KIAA0825: variants seen among roughly 807,000 people sequenced by gnomAD.
KIAA0825 encodes the protein KIAA0825.
In KIAA0825, 119 loss-of-function variants were observed where a neutral mutation model predicts 147.6. The observed-to-expected ratio is 0.81, with a 90% CI of 0.69 to 0.94. The LOEUF (loss-of-function observed/expected upper bound fraction) is 0.94. Ranked by LOEUF, KIAA0825 falls within the 40% of genes least tolerant of loss-of-function variation. The pLI is 0.00. For synonymous variants in KIAA0825, 470 were observed against 518.1 expected (o/e 0.91, Z 1.26); for missense variants, 1,381 against 1,472.7 (o/e 0.94, Z 1.02).
At chr5:94,485,382 A>G (rs1414769047) in intron 5 of KIAA0825, among the ~76,000 whole-genome samples, 1 of 151,836 alleles carries the variant, frequency 6.6e-6, no homozygotes, top group Non-Finnish European at 1.5e-5. Context: ...ATAGACATTA[A>G]GTAAAACTGA....
At chr5:94,247,654 A>T (rs1042480190) in intron 20 of KIAA0825, among the ~76,000 whole-genome samples, 2 of 152,170 alleles carry the variant, frequency 1.3e-5, no homozygotes, top group African/African-American at 4.8e-5. Context: ...ATCACTAGAC[A>T]ATAAGTTCCT....
chr5:94,466,080 A>C (rs748070787), intron 10 of KIAA0825, among the ~76,000 whole-genome samples: 48 of 152,282 alleles, frequency 3.2e-4, no homozygotes, highest in Middle Eastern at 3.4e-3. Flanking sequence ...CTTTTACTTA[A>C]AATTTCTGCT....
At chr5:94,489,782 AG>A (rs1012150807) in intron 5 of KIAA0825, among the ~76,000 whole-genome samples, 1 of 150,318 alleles carries the variant, frequency 6.7e-6, no homozygotes, top group African/African-American at 2.4e-5. Context: ...GCTACTTAGG[AG>A]GCTGAGGCAT....
chr5:94,192,668 C>A (rs1770778900), intron 20 of KIAA0825, among the ~76,000 whole-genome samples: 1 of 152,000 alleles, frequency 6.6e-6, no homozygotes, highest in African/African-American at 2.4e-5. Flanking sequence ...TGTCTGGTCA[C>A]AGGTCAAGTC....
chr5:94,258,310 TTC>T (rs1776341281), intron 20 of KIAA0825, among the ~76,000 whole-genome samples: 1 of 152,028 alleles, frequency 6.6e-6, no homozygotes. Context: ...TCAAGACGCC[TTC>T]TGTTTCTAAT....
At chr5:94,558,401 T>C (rs563611712) in intron 2 of KIAA0825, among the ~76,000 whole-genome samples, 1 of 152,330 alleles carries the variant, frequency 6.6e-6, no homozygotes, top group South Asian at 2.1e-4. Context: ...AAAGCATGTG[T>C]ATGAATGTTT....
At chr5:94,420,457 C>CA (rs1754036953) in intron 14 of KIAA0825, among the ~76,000 whole-genome samples, 1 of 152,166 alleles carries the variant, frequency 6.6e-6, no homozygotes, top group Non-Finnish European at 1.5e-5. Context: ...CCACTGAATG[C>CA]AAAGCACTCA....
rs553417873 is a variant in KIAA0825, at chr5:94,535,965, A to T, written c.131+1031T>A. On this transcript the variant is annotated intron_variant, in intron 3 of 20. Transcript: ENST00000682413. ...ATGGGCTGTATCTGCTTTGCTATTT[A>T]AAGGGGTGGGATTCCCTTCCATTTT... Among the ~76,000 whole-genome samples the T allele has an allele frequency of 2.0e-5, 3 of 152,302 alleles. No homozygotes were observed. The East Asian group carries it at 5.8e-4, about 29-fold the overall frequency.
chr5:94,402,055 C>T (rs1751447524), intron 16 of KIAA0825, among the ~76,000 whole-genome samples: 1 of 152,172 alleles, frequency 6.6e-6, no homozygotes, highest in African/African-American at 2.4e-5. Context: ...AAGTCACTTT[C>T]TTCCATCACT....
chr5:94,473,511 T>C lies in KIAA0825; in HGVS notation c.1236A>G (p.Leu412=). The C allele has an allele frequency of 6.5e-7, 1 of 1,548,080 alleles. No individual in the cohort carries two copies. Among genetic ancestry groups the C allele is most frequent in the Non-Finnish European group, 8.7e-7 (1 of 1,143,762 alleles). Residue 412 remains leucine, a synonymous_variant, in exon 8 of 21, where the codon TTA becomes TTG. Transcript: ENST00000682413. ...ATGCACTTCTCCAGCCAAAATCTAG[T>C]AAGGTAGCCTGAAATATCAATGTAT... ...EQSLPGKEAT[L]LDFGWRSAFK... is the part of the protein sequence containing the mutation.
chr5:94,477,026 CAA>C, intron 7 of KIAA0825, 83 bp downstream of exon 7: 1 of 997,802 alleles, frequency 1.0e-6, no homozygotes. Context: ...GGGTAAAACT[CAA>C]GACATCTTGA....
intron 20 of KIAA0825, among the ~76,000 whole-genome samples, chr5:94,316,703 AGTT>A (rs1476729878): frequency 6.6e-6 from 1 of 151,802 alleles, no homozygotes; most frequent in East Asian, 1.9e-4. Context: ...GTCAGGCTTT[AGTT>A]GTTCATCTGA....
At position 94,520,505 on chromosome 5, in the gene KIAA0825, TCTAAATTTGAATCTCTGTTGTAA is replaced by T. The variant is rs1767965505; in HGVS notation, c.690_712del (p.Tyr231CysfsTer12). On this transcript the variant is annotated frameshift_variant, in exon 5 of 21. Transcript: ENST00000682413. LOFTEE classifies it high-confidence loss of function. ...ACTTTGATATCCATGAGCTATTACATCTAAATTTGAATCTCTGTTGTAAGAAGGAAAGCAGTTCCACAGAAGAT... is the reference window on the plus strand; with the variant it reads ...ACTTTGATATCCATGAGCTATTACATGAAGGAAAGCAGTTCCACAGAAGAT... 3 of 1,612,966 alleles carry T rather than the reference TCTAAATTTGAATCTCTGTTGTAA, an allele frequency of 1.9e-6. No individual in the cohort carries two copies. Among genetic ancestry groups the T allele is most frequent in the Non-Finnish European group, 2.5e-6 (3 of 1,179,098 alleles).
Position 94,190,204 on chromosome 5 carries a change from G to A in KIAA0825, c.3711-36080C>T, listed in dbSNP as rs184475318. On this transcript the variant is annotated intron_variant, in intron 20 of 20. Transcript: ENST00000682413. ...ATTCCTTATGATTTTCTACCTAGCC[G>A]ATCACGTCATTTGCAAAGAAGGACA... Among the ~76,000 whole-genome samples the A allele has an allele frequency of 5.3e-5, 8 of 152,120 alleles. No individual in the cohort carries two copies. In the East Asian group the frequency reaches 1.2e-3, roughly 22 times the overall value.
At chr5:94,188,044 A>G (rs1467500065) in intron 20 of KIAA0825, among the ~76,000 whole-genome samples, 2 of 152,172 alleles carry the variant, frequency 1.3e-5, no homozygotes, top group Non-Finnish European at 2.9e-5. Context: ...GACCCCAGAG[A>G]GATTTCTCAT....
chr5:94,324,696 C>T (rs80159450), intron 20 of KIAA0825, among the ~76,000 whole-genome samples: 4,390 of 151,872 alleles, frequency 0.029, 186 homozygotes, highest in African/African-American at 0.1. Context: ...ATCAGGATAA[C>T]ACCAATGAAA....
chr5:94,268,117 A>G (rs907997974), intron 20 of KIAA0825, among the ~76,000 whole-genome samples: 10 of 152,190 alleles, frequency 6.6e-5, no homozygotes, highest in Admixed American at 6.5e-5. Flanking sequence ...AATTGCAATT[A>G]AAAGAGGACT....
intron 16 of KIAA0825, among the ~76,000 whole-genome samples, chr5:94,396,788 A>G (rs1336263695): frequency 2.0e-5 from 3 of 151,888 alleles, no homozygotes; most frequent in Non-Finnish European, 4.4e-5. Context: ...TCCAGGACCC[A>G]GGTGGCCTCC....
At chr5:94,182,673 TC>T (rs1296644649) in intron 20 of KIAA0825, among the ~76,000 whole-genome samples, 2 of 152,174 alleles carry the variant, frequency 1.3e-5, no homozygotes, top group Non-Finnish European at 2.9e-5. Context: ...ATAATTTTTT[TC>T]CTTTATGAAA....
Sources: allele counts gnomAD v4.1 joint callset (sites outside exome capture counted in the v4.1 genomes callset), GRCh38; gene constraint gnomAD v4.1.1; transcripts MANE v1.5; gene names NCBI Gene and HGNC (gene_info 2026-07-23, HGNC 2026-07-21).